CCDC125: variants seen among roughly 807,000 people sequenced by gnomAD.
CCDC125 encodes the protein coiled-coil domain containing 125, also known as coiled-coil domain-containing protein 125.
CCDC125 carries 43 observed loss-of-function variants against 57.4 expected under a neutral mutation model. That is an observed-to-expected ratio of 0.75 (90% CI 0.59 to 0.97). The LOEUF (loss-of-function observed/expected upper bound fraction) is 0.97. Ranked by LOEUF, CCDC125 falls within the 50% of genes least tolerant of loss-of-function variation. The pLI is 0.00. For missense variants in CCDC125, 563 were observed against 595.7 expected (o/e 0.95, Z 0.57); for synonymous variants, 187 against 195.2 (o/e 0.96, Z 0.35).
chr5:69,320,118 G>T, intron 2 of CCDC125, 119 bp downstream of exon 2: 1 of 1,019,534 alleles, frequency 9.8e-7, no homozygotes, highest in Non-Finnish European at 1.4e-6. Context: ...GCAAGACTCC[G>T]TCCAGAAAAA....
At position 69,292,342 on chromosome 5, in the gene CCDC125, A is replaced by C. The variant is rs771482192; in HGVS notation, c.945T>G (p.Ser315Arg). 6.2e-7 allele frequency: 1 copy of C among 1,612,218 alleles called. No individual in the cohort carries two copies. Among genetic ancestry groups the C allele is most frequent in the East Asian group, 2.2e-5 (1 of 44,874 alleles). The change falls in exon 10 of 12, where the codon AGT (serine) becomes AGG (arginine). Residue 315 changes from serine (S) to arginine (R), a missense_variant. Physicochemically the swap from Ser to Arg is moderately radical, Grantham distance 110. Transcript: ENST00000396496. ...CTGCCATCACGTAAGCTTCTTCTTT[A>C]CTCTTCTGCAAAATTTCCAACTGAT... Reference protein sequence around the residue: ...LKQELEILQKSKEEAYVMADA... With the variant: ...LKQELEILQKRKEEAYVMADA...
intron 7 of CCDC125, among the ~76,000 whole-genome samples, chr5:69,301,093 C>CAA (rs35499156): frequency 0.45 from 44,376 of 98,414 alleles, 9,235 homozygotes; most frequent in Middle Eastern, 0.5. Flanking sequence ...GACTCCCTCT[C>CAA]AAAAAAAAAA....
intron 1 of CCDC125, among the ~76,000 whole-genome samples, chr5:69,330,023 T>G (rs567403446): frequency 6.6e-6 from 1 of 152,286 alleles, no homozygotes; most frequent in African/African-American, 2.4e-5. Flanking sequence ...GACTTCCTCA[T>G]AGATAAATCC....
intron 11 of CCDC125, among the ~76,000 whole-genome samples, chr5:69,284,886 G>GT (rs1753057418): frequency 6.6e-6 from 1 of 152,128 alleles, no homozygotes; most frequent in Admixed American, 6.6e-5. Flanking sequence ...GAGGTCAGGA[G>GT]TTTGAGACCA....
rs1752540446 is a variant in CCDC125 at position 69,282,167 on chromosome 5, T to C, written c.*562A>G. ...TGGCCTCCCAAAGTGCTGGGATTTATAAGCATGAGCCACCATGCCCAGCCT... is the reference window on the plus strand; with the variant it reads ...TGGCCTCCCAAAGTGCTGGGATTTACAAGCATGAGCCACCATGCCCAGCCT... On this transcript the variant is annotated 3_prime_UTR_variant, in exon 12 of 12. Coordinates refer to ENST00000396496, the MANE Select transcript of CCDC125 (RefSeq NM_176816.5). The C allele has an allele frequency of 1.3e-5, 2 of 152,162 alleles. No individual in the cohort carries two copies. The highest frequency in any genetic ancestry group is 4.8e-5 in the African/African-American group (2 of 41,446). 9.4% of individuals were successfully genotyped at this position (152,162 alleles called of 1,614,324 possible).
intron 1 of CCDC125, among the ~76,000 whole-genome samples, chr5:69,329,960 G>T (rs957421892): frequency 5.9e-5 from 9 of 152,182 alleles, no homozygotes; most frequent in Non-Finnish European, 1.3e-4. Flanking sequence ...ATTACAGTCT[G>T]TTAGCAGTCG....
At chr5:69,283,921 G>A (rs886630714) in intron 11 of CCDC125, among the ~76,000 whole-genome samples, 5 of 151,402 alleles carry the variant, frequency 3.3e-5, no homozygotes, top group Admixed American at 3.3e-4. Flanking sequence ...CTCCCATGTA[G>A]CTAGGGACTA....
At chr5:69,289,439 C>T (rs1351807433) in intron 10 of CCDC125, among the ~76,000 whole-genome samples, 1 of 152,166 alleles carries the variant, frequency 6.6e-6, no homozygotes, top group Admixed American at 6.6e-5. Context: ...ATACATGGAC[C>T]ATGTTAGCTT....
chr5:69,305,103 C>T (rs1402396066), intron 6 of CCDC125, among the ~76,000 whole-genome samples: 1 of 151,738 alleles, frequency 6.6e-6, no homozygotes, highest in Non-Finnish European at 1.5e-5. Context: ...ATGTTCATAG[C>T]AGCATCATGC....
At chr5:69,312,302 C>T (rs1364200029) in intron 3 of CCDC125, among the ~76,000 whole-genome samples, 1 of 152,136 alleles carries the variant, frequency 6.6e-6, no homozygotes, top group African/African-American at 2.4e-5. Context: ...AGAGGGAGCA[C>T]GGCCTGCTGA....
chr5:69,309,754 AC>A (rs1757865691), intron 4 of CCDC125: 2 of 152,646 alleles, frequency 1.3e-5, no homozygotes, highest in South Asian at 4.2e-4. Context: ...TACACTGTGC[AC>A]CTGGGAAAGC....
At position 69,321,107 on chromosome 5, in the gene CCDC125, A is replaced by G. The variant is rs149398444; in HGVS notation, c.-40-527T>C. On this transcript the variant is annotated intron_variant, in intron 1 of 11. Coordinates refer to ENST00000396496, the MANE Select transcript of CCDC125 (RefSeq NM_176816.5). ...AATAAGGTTTTTTCCTTTGCAATAC[A>G]TTGCACAGCATGGTGAATATAACAA... Among the ~76,000 whole-genome samples the G allele has an allele frequency of 2.6e-5, 4 of 152,320 alleles. No individual in the cohort carries two copies. In the East Asian group the frequency reaches 7.7e-4, roughly 29 times the overall value.
In CCDC125 at chr5:69,308,024, A is replaced by G. The variant is rs147567034; in HGVS notation, c.458T>C (p.Ile153Thr). ...EALKILQSMA[I>T]LGKATSHTQA... ...CGTATGACTTGTGGCTTTGCCCAGT[A>G]TTGCCTAAGAAAAATAAAACTAGCA... Residue 153 changes from isoleucine (I) to threonine (T), a missense_variant, in exon 5 of 12, where the codon ATA (isoleucine) becomes ACA (threonine). Coordinates refer to ENST00000396496, the MANE Select transcript of CCDC125 (RefSeq NM_176816.5). 1.2e-6 allele frequency: 2 copies of G among 1,612,214 alleles called. No homozygotes were observed. Among genetic ancestry groups the G allele is most frequent in the Non-Finnish European group, 1.7e-6 (2 of 1,178,324 alleles).
intron 1 of CCDC125, among the ~76,000 whole-genome samples, chr5:69,331,732 A>C (rs1023027585): frequency 4.6e-5 from 7 of 152,074 alleles, no homozygotes; most frequent in African/African-American, 1.4e-4. Flanking sequence ...GCAAGCCTCT[A>C]TTGGTGCCAT....
chr5:69,292,493 T>A (rs1580000827), intron 9 of CCDC125, 131 bp from the exon 10 acceptor site: 1 of 657,954 alleles, frequency 1.5e-6, no homozygotes, highest in East Asian at 2.7e-5. Context: ...TGATCTAGTT[T>A]ATCTGATTAC....
At chr5:69,327,909 A>G (rs1172843551) in intron 1 of CCDC125, among the ~76,000 whole-genome samples, 2 of 152,180 alleles carry the variant, frequency 1.3e-5, no homozygotes, top group Non-Finnish European at 2.9e-5. Flanking sequence ...AGGTTTTGCT[A>G]GGAATAAAAG....
intron 10 of CCDC125, 140 bp from the exon 11 acceptor site, chr5:69,285,607 A>G (rs1401105071): frequency 2.5e-6 from 2 of 809,780 alleles, no homozygotes; most frequent in Non-Finnish European, 3.7e-6. Context: ...CACAGCCTTC[A>G]GAGCCAGGAG....
At chr5:69,310,784 G>A (rs35438259) in intron 4 of CCDC125, 67,465 of 158,968 alleles carry the variant, frequency 0.42, 14,612 homozygotes, top group South Asian at 0.49. Flanking sequence ...AATAGAAAAG[G>A]CAAATCTACA....
intron 11 of CCDC125, among the ~76,000 whole-genome samples, chr5:69,284,751 C>T (rs1753034404): frequency 6.6e-6 from 1 of 152,052 alleles, no homozygotes; most frequent in African/African-American, 2.4e-5. Flanking sequence ...TTTGGCTTCC[C>T]TGGGCCACAC....
Sources: allele counts gnomAD v4.1 joint callset (sites outside exome capture counted in the v4.1 genomes callset), GRCh38; gene constraint gnomAD v4.1.1; transcripts MANE v1.5; gene names NCBI Gene and HGNC (gene_info 2026-07-23, HGNC 2026-07-21).